The following MYH11 variants were observed in gnomAD, a reference collection of about 807,000 sequenced individuals.
MYH11 encodes myosin-11.
MYH11 carries 80 observed loss-of-function variants against 246.6 expected under a neutral mutation model. That is an observed-to-expected ratio of 0.32 (90% CI 0.27 to 0.39). The LOEUF (loss-of-function observed/expected upper bound fraction) is 0.39. Ranked by LOEUF, MYH11 falls within the 10% of genes least tolerant of loss-of-function variation. The pLI, the probability that MYH11 is intolerant of heterozygous loss-of-function variation, is 1.00. For synonymous variants in MYH11, 1,071 were observed against 1,015.5 expected, an observed-to-expected ratio of 1.05 and a Z score of -1.04; for missense variants, 2,158 against 2,546.8, an observed-to-expected ratio of 0.85 and a Z score of 3.29.
At chr16:15,787,563 A>G (rs2042501108) in intron 4 of MYH11, among the ~76,000 whole-genome samples, 1 of 147,622 alleles carries the variant, frequency 6.8e-6, no homozygotes, top group Non-Finnish European at 1.5e-5. Flanking sequence ...GCTCACTGCA[A>G]GCTCCACCTC....
At chr16:15,706,416 G>A (rs555961610) in intron 40 of MYH11, among the ~76,000 whole-genome samples, 1 of 149,680 alleles carries the variant, frequency 6.7e-6, no homozygotes, top group South Asian at 2.1e-4. Flanking sequence ...TTCAAACCCT[G>A]ATGGGTTGGC....
intron 6 of MYH11, chr16:15,779,197 A>G (rs1567754441): frequency 2.6e-6 from 1 of 387,778 alleles, no homozygotes; most frequent in East Asian, 6.1e-5. Flanking sequence ...TGGTGCAATC[A>G]CAGCTCACTG....
intron 3 of MYH11, among the ~76,000 whole-genome samples, chr16:15,818,942 C>T (rs533321001): frequency 1.3e-5 from 2 of 152,150 alleles, no homozygotes; most frequent in South Asian, 2.1e-4. Context: ...TACCATAGCA[C>T]GATCATAGCA....
At chr16:15,809,635 G>A (rs1294749233) in intron 3 of MYH11, among the ~76,000 whole-genome samples, 4 of 151,868 alleles carry the variant, frequency 2.6e-5, no homozygotes, top group Admixed American at 2.0e-4. Flanking sequence ...TAACAAGGAA[G>A]GTGCTGGCCA....
At chr16:15,806,564 G>A (rs1013222793) in intron 3 of MYH11, among the ~76,000 whole-genome samples, 1 of 152,174 alleles carries the variant, frequency 6.6e-6, no homozygotes, top group Non-Finnish European at 1.5e-5. Flanking sequence ...AGACATAGCT[G>A]CAATTTTAGG....
intron 3 of MYH11, among the ~76,000 whole-genome samples, chr16:15,817,573 A>T (rs1462701617): frequency 6.6e-6 from 1 of 152,206 alleles, no homozygotes; most frequent in Non-Finnish European, 1.5e-5. Flanking sequence ...ATGCAGATAT[A>T]AGATACATAT....
intron 2 of MYH11, 78 bp from the exon 3 acceptor site, chr16:15,823,489 T>C (rs898858147): frequency 7.7e-6 from 12 of 1,563,284 alleles, no homozygotes; most frequent in African/African-American, 4.1e-5. Flanking sequence ...AATATTCTCA[T>C]GTTAGAGATG....
rs111582933 is a variant in MYH11, at chr16:15,741,759, C to T, written c.2652+1G>A. ...CCCCAGCCATGCATCCATACAGGTACCTGCGAGTGCTTCTGTTCCAGCTCC... is the reference window on the plus strand; with the variant it reads ...CCCCAGCCATGCATCCATACAGGTATCTGCGAGTGCTTCTGTTCCAGCTCC... On this transcript the variant is annotated splice_donor_variant, in intron 21 of 40. Coordinates refer to ENST00000300036, the MANE Select transcript of MYH11 (RefSeq NM_002474.3). LOFTEE classifies it high-confidence loss of function. The T allele has an allele frequency of 6.2e-7, 1 of 1,614,072 alleles. No individual in the cohort carries two copies. Among genetic ancestry groups the T allele is most frequent in the Non-Finnish European group, 8.5e-7 (1 of 1,180,052 alleles).
chr16:15,800,376 G>T (rs1278037580), intron 3 of MYH11, among the ~76,000 whole-genome samples: 2 of 151,764 alleles, frequency 1.3e-5, no homozygotes, highest in Non-Finnish European at 2.9e-5. Context: ...GGGTGGGTGG[G>T]TAGGTGGACG....
At position 15,771,691 on chromosome 16, in the gene MYH11, A is replaced by G; in HGVS notation, c.911T>C (p.Phe304Ser). The change falls in exon 9 of 41, where the codon TTC becomes TCC. Residue 304 changes from phenylalanine to serine, a missense_variant. Physicochemically the swap from Phe to Ser is radical, Grantham distance 155 (BLOSUM62 -2). Around this residue, in one of 11 missense-constraint regions of MYH11, gnomAD observed 75 missense variants for 70.0 expected, o/e 1.07. Coordinates refer to ENST00000300036, the MANE Select transcript of MYH11 (RefSeq NM_002474.3). The part of the protein sequence containing the change: ...KMRSDLLLEG[F>S]NNYTFLSNGF... Reference sequence around the variant, plus strand: ...ATTGGAGAGGAAGGTGTAGTTGTTGAAGCCCTCCAAAAGCAAGTCACCTAG... The same window carrying G: ...ATTGGAGAGGAAGGTGTAGTTGTTGGAGCCCTCCAAAAGCAAGTCACCTAG... The G allele has an allele frequency of 6.2e-7, 1 of 1,614,152 alleles. No homozygotes were observed.
intron 23 of MYH11, among the ~76,000 whole-genome samples, chr16:15,739,301 G>A (rs189506316): frequency 8.6e-5 from 13 of 152,038 alleles, no homozygotes; most frequent in East Asian, 3.9e-4. Flanking sequence ...GGGTTTTACC[G>A]TGTTGGCCAG....
chr16:15,721,321 G>A (rs2040467759), intron 32 of MYH11, 101 bp downstream of exon 32: 5 of 1,331,928 alleles, frequency 3.8e-6, no homozygotes, highest in African/African-American at 1.4e-5. Flanking sequence ...ATGATAGTTC[G>A]CTATGAAAAA....
chr16:15,748,793 T>A (rs748376340), intron 16 of MYH11, among the ~76,000 whole-genome samples: 6 of 152,088 alleles, frequency 3.9e-5, no homozygotes, highest in Admixed American at 3.9e-4. Context: ...TTTTTAAAAA[T>A]GTTTTTGTAG....
intron 9 of MYH11, among the ~76,000 whole-genome samples, chr16:15,765,701 A>C (rs1352621359): frequency 6.6e-6 from 1 of 152,160 alleles, no homozygotes; most frequent in Admixed American, 6.5e-5. Flanking sequence ...CCAGCTCAGC[A>C]AAAGGACCCA....
At chr16:15,837,786 C>T (rs763887695) in intron 2 of MYH11, 122 bp downstream of exon 2, 46 of 851,942 alleles carry the variant, frequency 5.4e-5, no homozygotes, top group Middle Eastern at 2.4e-4. Flanking sequence ...CTGCCCACCT[C>T]GGCCTCCCAA....
intron 19 of MYH11, 152 bp downstream of exon 19, chr16:15,747,418 G>C: frequency 1.0e-6 from 1 of 959,506 alleles, no homozygotes; most frequent in Admixed American, 2.0e-5. Context: ...TTTATTTAAA[G>C]TAGAAGCATT....
chr16:15,713,087 G>A lies in MYH11; in HGVS notation c.5786+1822C>T, dbSNP rs535965578. ...TCCAGTTTTGTAGTAAGGGTAGCAAGGTAGACATGGGGCTAAGAGGTTATT... is the reference window on the plus strand; with the variant it reads ...TCCAGTTTTGTAGTAAGGGTAGCAAAGTAGACATGGGGCTAAGAGGTTATT... On this transcript the variant is annotated intron_variant, in intron 40 of 40. Transcript: ENST00000300036. The A allele has an allele frequency of 2.0e-5, 3 of 151,930 alleles. No homozygotes were observed. In the East Asian group the frequency reaches 5.8e-4, roughly 29 times the overall value. The allele number at this position is 151,930 out of a possible 1,614,324, so 9.4% of individuals were successfully genotyped here. A position where few individuals can be genotyped will look rare whatever the true frequency, so the allele number is the denominator to read the frequency against.
intron 3 of MYH11, among the ~76,000 whole-genome samples, chr16:15,817,078 T>C (rs923428891): frequency 1.3e-5 from 2 of 152,180 alleles, no homozygotes; most frequent in African/African-American, 4.8e-5. Context: ...AAAATATCTC[T>C]AGGAGAAAAC....
chr16:15,720,136 C>G lies in MYH11; in HGVS notation c.4953+15G>C. On this transcript the variant is annotated intron_variant, in intron 34 of 40. Coordinates refer to ENST00000300036, the MANE Select transcript of MYH11 (RefSeq NM_002474.3). The stretch of plus-strand genomic sequence containing the variant: ...CCTCCCTCCACCCATGCCCCAAGCT[C>G]CTAGTGTCACCCACCTGCAGTTTGC... The G allele has an allele frequency of 6.2e-7, 1 of 1,614,134 alleles. No individual in the cohort carries two copies. Among genetic ancestry groups the G allele is most frequent in the Non-Finnish European group, 8.5e-7 (1 of 1,180,030 alleles).
Sources: allele counts gnomAD v4.1 joint callset (sites outside exome capture counted in the v4.1 genomes callset), GRCh38; gene constraint gnomAD v4.1.1; regional missense constraint gnomAD v4.1.1; transcripts MANE v1.5; gene names NCBI Gene and HGNC (gene_info 2026-07-23, HGNC 2026-07-21).